Variants in TSPAN1 observed in about 807,000 individuals in gnomAD.
TSPAN1 encodes tetraspanin-1.
Under a neutral mutation model 26.9 loss-of-function variants are expected in TSPAN1, and 23 were observed. The ratio of observed to expected loss-of-function variants is 0.85; its 90% CI spans 0.62 to 1.21. The LOEUF (loss-of-function observed/expected upper bound fraction) is 1.21. Ranked by LOEUF, TSPAN1 falls within the 50% of genes most tolerant of loss-of-function variation. The pLI, the probability that TSPAN1 is intolerant of heterozygous loss-of-function variation, is 0.00. For missense variants in TSPAN1, 283 were observed against 298.4 expected (o/e 0.95, Z 0.38); for synonymous variants, 115 against 114.8 (o/e 1.00, Z -0.01).
At chr1:46,189,523 G>A (rs971791653), downstream of TSPAN1, 2 of 1,613,534 alleles carry the variant, frequency 1.2e-6, no homozygotes, top group Non-Finnish European at 1.7e-6. Context: ...ATCTCCACAG[G>A]CCCCGATGGT....
chr1:46,184,223 C>T lies in TSPAN1; in HGVS notation c.90C>T (p.Ile30=). The T allele has an allele frequency of 1.2e-6, 2 of 1,614,212 alleles. No individual in the cohort carries two copies. Among genetic ancestry groups the T allele is most frequent in the Non-Finnish European group, 1.7e-6 (2 of 1,180,048 alleles). Residue 30 remains isoleucine (I), a synonymous_variant, in exon 4 of 9, where the codon ATC becomes ATT. Coordinates refer to ENST00000372003, the MANE Select transcript of TSPAN1 (RefSeq NM_005727.4). ...GTGCAGCCCTGTTGGCAGTGGGCAT[C>T]TGGGTGTCAATCGATGGGGCATCCT... ...LCGAALLAVG[I]WVSIDGASFL... is the part of the protein sequence containing the mutation.
chr1:46,185,582 A>G lies in TSPAN1; in HGVS notation c.*49A>G, dbSNP rs929086591. 8.7e-6 allele frequency: 14 copies of G among 1,601,438 alleles called. No homozygotes were observed. In the African/African-American group the frequency reaches 1.6e-4, roughly 18 times the overall value. On this transcript the variant is annotated 3_prime_UTR_variant, in exon 9 of 9. Coordinates refer to ENST00000372003, the MANE Select transcript of TSPAN1 (RefSeq NM_005727.4). ...CTGCTGCCACATGGGAACTGTGAAGAGGCACCCTGGCAAGCAGCAGTGATT... is the reference window on the plus strand; with the variant it reads ...CTGCTGCCACATGGGAACTGTGAAGGGGCACCCTGGCAAGCAGCAGTGATT...
chr1:46,185,111 T>C lies in TSPAN1; in HGVS notation c.590T>C (p.Val197Ala). 1 of 1,613,942 alleles carries C rather than the reference T, an allele frequency of 6.2e-7. No individual in the cohort carries two copies. Among genetic ancestry groups the C allele is most frequent in the Admixed American group, 1.7e-5 (1 of 59,998 alleles). ...AAGCAAAAGGCTCACGACCAAAAAG[T>C]AGAGGTGTGGGCTGGCATGAGTGGG... ...CTKQKAHDQK[V>A]EGCFNQLLYD... Residue 197 changes from valine to alanine, a missense_variant, in exon 7 of 9, where the codon GTA becomes GCA. Transcript: ENST00000372003.
At chr1:46,194,245 A>G in the TSPAN1 span, 13 of 1,614,034 alleles carry the variant, frequency 8.1e-6, no homozygotes, top group African/African-American at 1.6e-4. Flanking sequence ...GAAGGAGTCC[A>G]AACCTCACTG....
chr1:46,190,423 A>G (rs776097568), downstream of TSPAN1: 11 of 1,528,958 alleles, frequency 7.2e-6, no homozygotes, highest in Admixed American at 1.3e-4. Context: ...CAAGATCCCC[A>G]GTATTTGACT....
the TSPAN1 span, chr1:46,192,683 C>A: frequency 6.2e-7 from 1 of 1,600,350 alleles, no homozygotes; most frequent in Non-Finnish European, 8.5e-7. Context: ...GTCTCAGGAG[C>A]ACCTCCTTCC....
rs1446669735 is a variant in TSPAN1 at position 46,183,857 on chromosome 1, T to G, written c.58-334T>G. 9.8e-6 allele frequency: 4 copies of G among 408,642 alleles called. No individual in the cohort carries two copies. The East Asian group carries it at 2.2e-4, about 22-fold the overall frequency. The allele number at this position is 408,642 out of a possible 1,614,324, so 25.3% of individuals were successfully genotyped here. ...ATAGCCCAGAAAGGAAATAGGAGGC[T>G]GGGCCCTCACCTGCCTGTTTTCAAT... On this transcript the variant is annotated intron_variant, in intron 3 of 8. Transcript: ENST00000372003.
chr1:46,196,062 C>A, the TSPAN1 span: 4 of 1,614,028 alleles, frequency 2.5e-6, no homozygotes, highest in Non-Finnish European at 3.4e-6. The surrounding 1 kb of genome is among the most constrained non-coding windows in gnomAD (Gnocchi z 4.4). Context: ...TGCTCCCGGG[C>A]CTCATCCTCC....
At chr1:46,194,281 G>A in the TSPAN1 span, 3 of 1,614,204 alleles carry the variant, frequency 1.9e-6, no homozygotes, top group South Asian at 3.3e-5. Flanking sequence ...CACTGGGTCA[G>A]GGCTGAACTC....
At chr1:46,190,108 T>C, downstream of TSPAN1, 3 of 1,292,436 alleles carry the variant, frequency 2.3e-6, no homozygotes, top group Non-Finnish European at 3.1e-6. Flanking sequence ...TTTTTTTTTT[T>C]TTTTTTTTGA....
chr1:46,189,971 G>A (rs1254559824), downstream of TSPAN1: 2 of 1,614,012 alleles, frequency 1.2e-6, no homozygotes, highest in East Asian at 4.5e-5. Flanking sequence ...TCTTGCTGTG[G>A]TCCAGAACCT....
At chr1:46,194,506 C>T in the TSPAN1 span, 1 of 1,614,154 alleles carries the variant, frequency 6.2e-7, no homozygotes. Context: ...ATCTAAATGC[C>T]CACCCCCAGC....
downstream of TSPAN1, chr1:46,188,920 G>T (rs769320607): frequency 1.9e-6 from 3 of 1,612,710 alleles, no homozygotes; most frequent in Non-Finnish European, 2.5e-6. Flanking sequence ...GGCCCTCCAG[G>T]TTCGGCCTGT....
At chr1:46,186,759 T>C (rs898762102), downstream of TSPAN1, among the ~76,000 whole-genome samples, 92 of 142,650 alleles carry the variant, frequency 6.4e-4, no homozygotes, top group African/African-American at 2.4e-3. Flanking sequence ...CCCCCTGGGG[T>C]TCACGCCATT....
At chr1:46,194,975 G>C in the TSPAN1 span, 61 of 1,613,140 alleles carry the variant, frequency 3.8e-5, no homozygotes, top group Non-Finnish European at 5.2e-5. Flanking sequence ...GGGGACCAGA[G>C]AAGGCAGTTA....
chr1:46,194,769 C>T, the TSPAN1 span: 2 of 1,613,546 alleles, frequency 1.2e-6, no homozygotes, highest in Admixed American at 1.7e-5. Context: ...TGTTCCCCAC[C>T]CCACCCCATC....
intron 1 of TSPAN1, among the ~76,000 whole-genome samples, chr1:46,176,912 C>T (rs756879978): frequency 2.6e-5 from 4 of 152,238 alleles, no homozygotes; most frequent in Admixed American, 1.3e-4. Context: ...TCTATAAAGT[C>T]GCCACAAACA....
the TSPAN1 span, chr1:46,192,307 C>T: frequency 6.2e-7 from 1 of 1,614,154 alleles, no homozygotes; most frequent in East Asian, 2.2e-5. Flanking sequence ...CTGACAGTTA[C>T]CTTTTCCGGT....
At chr1:46,176,152 G>A in intron 1 of TSPAN1, 2 of 1,498,828 alleles carry the variant, frequency 1.3e-6, no homozygotes, top group African/African-American at 1.4e-5. Context: ...CGGGATTACA[G>A]GCATGAGCCA....
Sources: gnomAD v4.1 joint callset for allele counts (sites outside exome capture counted in the v4.1 genomes callset) on GRCh38, gnomAD v4.1.1 for gene constraint, Gnocchi (gnomAD v3.1) non-coding constraint, MANE v1.5 for transcripts, NCBI Gene and HGNC (gene_info 2026-07-23, HGNC 2026-07-21) for gene names.